The following CSTPP1 variants were observed in gnomAD, a reference collection of about 807,000 sequenced individuals.
The protein encoded by CSTPP1 is UPF0705 protein C11orf49.
At chr11:47,061,772 C>G in the CSTPP1 span, among the ~76,000 whole-genome samples, 1 of 152,240 alleles carries the variant, frequency 6.6e-6, no homozygotes, top group East Asian at 1.9e-4. Flanking sequence ...TTGTTTATTT[C>G]TCCTGAGTTC....
the CSTPP1 span, among the ~76,000 whole-genome samples, chr11:47,112,884 A>G: frequency 6.6e-6 from 1 of 152,068 alleles, no homozygotes; most frequent in African/African-American, 2.4e-5. Context: ...GTACATGTGC[A>G]CAATCTGCAG....
At chr11:46,979,128 C>G in the CSTPP1 span, among the ~76,000 whole-genome samples, 1 of 151,804 alleles carries the variant, frequency 6.6e-6, no homozygotes, top group Non-Finnish European at 1.5e-5. Flanking sequence ...TATACTTTTT[C>G]TTTTTTTTAA....
chr11:46,987,475 C>G, the CSTPP1 span: 13 of 533,082 alleles, frequency 2.4e-5, no homozygotes, highest in African/African-American at 1.3e-4. Flanking sequence ...TTGGAGCATG[C>G]CTTTGGTGCA....
chr11:47,084,111 G>C, the CSTPP1 span, among the ~76,000 whole-genome samples: 1 of 152,180 alleles, frequency 6.6e-6, no homozygotes, highest in Non-Finnish European at 1.5e-5. Flanking sequence ...TCTAGTGGTT[G>C]TGAAATGAAA....
the CSTPP1 span, chr11:47,052,674 A>G: frequency 3.0e-6 from 3 of 994,452 alleles, no homozygotes; most frequent in Non-Finnish European, 4.2e-6. Flanking sequence ...AATGCATGCT[A>G]TTCAAGGCAT....
At chr11:47,056,808 GC>G in the CSTPP1 span, among the ~76,000 whole-genome samples, 3 of 152,144 alleles carry the variant, frequency 2.0e-5, no homozygotes, top group Admixed American at 6.5e-5. Context: ...GATTTATTAA[GC>G]CCCATTTTAT....
chr11:47,052,982 T>C, the CSTPP1 span: 1 of 154,608 alleles, frequency 6.5e-6, no homozygotes, highest in Non-Finnish European at 1.4e-5. Context: ...TAAAATGCCA[T>C]GCAGTAAATA....
the CSTPP1 span, among the ~76,000 whole-genome samples, chr11:46,971,961 A>T: frequency 6.6e-6 from 1 of 152,228 alleles, no homozygotes; most frequent in Non-Finnish European, 1.5e-5. Context: ...GAAAAAAGCT[A>T]GGTGACCTAA....
the CSTPP1 span, among the ~76,000 whole-genome samples, chr11:47,121,408 G>T: frequency 6.6e-6 from 1 of 152,022 alleles, no homozygotes; most frequent in Admixed American, 6.6e-5. Flanking sequence ...TAGATATTTG[G>T]CATTGCCTAT....
At chr11:47,072,296 C>T in the CSTPP1 span, among the ~76,000 whole-genome samples, 2 of 152,154 alleles carry the variant, frequency 1.3e-5, no homozygotes, top group African/African-American at 4.8e-5. Flanking sequence ...TCTGGCATGA[C>T]CAGAAGGAAC....
chr11:47,117,155 G>A, the CSTPP1 span, among the ~76,000 whole-genome samples: 1 of 152,172 alleles, frequency 6.6e-6, no homozygotes, highest in East Asian at 1.9e-4. Context: ...ATATTTTTGT[G>A]TGTGAATTTG....
At chr11:47,078,499 G>T in the CSTPP1 span, among the ~76,000 whole-genome samples, 1 of 152,158 alleles carries the variant, frequency 6.6e-6, no homozygotes, top group Non-Finnish European at 1.5e-5. Flanking sequence ...AGACAGCAAG[G>T]AGTTAATGGA....
the CSTPP1 span, among the ~76,000 whole-genome samples, chr11:47,133,320 G>A: frequency 6.6e-6 from 1 of 152,222 alleles, no homozygotes; most frequent in African/African-American, 2.4e-5. Flanking sequence ...TTTGTGGAGA[G>A]TGTTCTGATT....
the CSTPP1 span, among the ~76,000 whole-genome samples, chr11:47,109,502 C>G: frequency 3.3e-5 from 5 of 152,334 alleles, no homozygotes; most frequent in East Asian, 7.7e-4. Flanking sequence ...TCCTCATTTG[C>G]GGGTCAGATG....
chr11:46,996,231 A>C, the CSTPP1 span, among the ~76,000 whole-genome samples: 3 of 152,066 alleles, frequency 2.0e-5, no homozygotes, highest in Non-Finnish European at 4.4e-5. Context: ...CTCTTTATCC[A>C]ATTTGCCAGT....
the CSTPP1 span, among the ~76,000 whole-genome samples, chr11:46,938,263 T>C: frequency 6.6e-6 from 1 of 151,498 alleles, no homozygotes; most frequent in East Asian, 1.9e-4. Flanking sequence ...TCCGCTATTA[T>C]TTACATCTTG....
At chr11:47,077,390 G>T in the CSTPP1 span, among the ~76,000 whole-genome samples, 1 of 151,806 alleles carries the variant, frequency 6.6e-6, no homozygotes, top group East Asian at 1.9e-4. Context: ...TAGTAGAGAC[G>T]GGTTTCACCT....
the CSTPP1 span, among the ~76,000 whole-genome samples, chr11:46,994,449 C>T: frequency 2.0e-5 from 3 of 152,118 alleles, no homozygotes; most frequent in Admixed American, 6.5e-5. Flanking sequence ...AGATACACCC[C>T]GTCAATACCT....
the CSTPP1 span, among the ~76,000 whole-genome samples, chr11:47,124,539 A>G: frequency 6.6e-6 from 1 of 152,304 alleles, no homozygotes; most frequent in South Asian, 2.1e-4. Context: ...ATACAATCTT[A>G]TATACTTTAA....
Sources: allele counts gnomAD v4.1 joint callset (sites outside exome capture counted in the v4.1 genomes callset), GRCh38; gene constraint gnomAD v4.1.1; transcripts MANE v1.5; gene names NCBI Gene and HGNC (gene_info 2026-07-23, HGNC 2026-07-21).